CNTN5: variants seen among roughly 807,000 people sequenced by gnomAD.
CNTN5 encodes the protein contactin 5.
CNTN5 carries 77 observed loss-of-function variants against 129.1 expected under a neutral mutation model. The observed-to-expected ratio is 0.60, with a 90% CI of 0.50 to 0.72. The LOEUF (loss-of-function observed/expected upper bound fraction) is 0.72. CNTN5 is among the 30% of genes least tolerant of loss of function. The probability of loss-of-function intolerance (pLI) is 0.00; values close to 1 mark genes in which losing one functional copy is unlikely to be tolerated. For missense variants in CNTN5, 1,478 were observed against 1,328.8 expected (o/e 1.11, Z -1.75); for synonymous variants, 509 against 465.6 (o/e 1.09, Z -1.20).
chr11:99,903,932 C>G (rs1949425110), intron 6 of CNTN5, among the ~76,000 whole-genome samples: 1 of 152,060 alleles, frequency 6.6e-6, no homozygotes, highest in Non-Finnish European at 1.5e-5. Flanking sequence ...TCATAATCAT[C>G]AGGGAAATTC....
chr11:99,074,838 A>G (rs761432678), intron 1 of CNTN5, among the ~76,000 whole-genome samples: 5 of 152,234 alleles, frequency 3.3e-5, no homozygotes, highest in Non-Finnish European at 7.3e-5. Context: ...GAAAAAGAAA[A>G]ACATGCATCA....
At chr11:99,494,425 C>A (rs1047386916) in intron 2 of CNTN5, among the ~76,000 whole-genome samples, 1 of 152,038 alleles carries the variant, frequency 6.6e-6, no homozygotes, top group Non-Finnish European at 1.5e-5. Context: ...AACTGTATAC[C>A]TTTTATCCTT....
chr11:99,659,071 C>G lies in CNTN5; in HGVS notation c.55+102802C>G, dbSNP rs146415188. On this transcript the variant is annotated intron_variant, in intron 3 of 24. Transcript: ENST00000524871. ...CTTGGAGATGGGCACCTCACCCAAGCTGGTCAAAGACACTTACTCATGGGC... is the reference window on the plus strand; with the variant it reads ...CTTGGAGATGGGCACCTCACCCAAGGTGGTCAAAGACACTTACTCATGGGC... Among the ~76,000 whole-genome samples, 545 of 152,048 alleles carry G rather than the reference C, an allele frequency of 3.6e-3. 2 individuals carry two copies. Among genetic ancestry groups the G allele is most frequent in the African/African-American group, 0.012 (501 of 41,486 alleles).
At chr11:99,709,568 A>T (rs148726906) in intron 3 of CNTN5, among the ~76,000 whole-genome samples, 1 of 152,002 alleles carries the variant, frequency 6.6e-6, no homozygotes, top group Non-Finnish European at 1.5e-5. Context: ...ACCTCACCAG[A>T]ACAACAGATA....
At chr11:99,582,457 G>A (rs887684690) in intron 3 of CNTN5, among the ~76,000 whole-genome samples, 1 of 152,166 alleles carries the variant, frequency 6.6e-6, no homozygotes, top group Non-Finnish European at 1.5e-5. Flanking sequence ...TCACTTTCAG[G>A]TACACCAATT....
chr11:100,195,202 T>A (rs927006294), intron 15 of CNTN5, among the ~76,000 whole-genome samples: 4 of 151,972 alleles, frequency 2.6e-5, no homozygotes, highest in Admixed American at 2.6e-4. Context: ...GAAAAATATC[T>A]TCTTAGGATT....
chr11:99,908,007 A>G (rs1037518488), intron 6 of CNTN5, among the ~76,000 whole-genome samples: 1 of 152,114 alleles, frequency 6.6e-6, no homozygotes, highest in African/African-American at 2.4e-5. Flanking sequence ...ATTGTTCTGA[A>G]CTGACAGTCA....
chr11:99,507,169 A>G (rs1464631859), intron 2 of CNTN5, among the ~76,000 whole-genome samples: 1 of 152,056 alleles, frequency 6.6e-6, no homozygotes, highest in Middle Eastern at 3.2e-3. Context: ...TGAGGTCAAG[A>G]GCTCGAGACC....
In CNTN5 at chr11:99,573,371, C is replaced by T. The variant is rs542275500; in HGVS notation, c.55+17102C>T. Among the ~76,000 whole-genome samples, 8 of 152,018 alleles carry T rather than the reference C, an allele frequency of 5.3e-5. No individual in the cohort carries two copies. In the East Asian group the frequency reaches 1.6e-3, roughly 30 times the overall value. On this transcript the variant is annotated intron_variant, in intron 3 of 24. Coordinates refer to ENST00000524871, the MANE Select transcript of CNTN5 (RefSeq NM_014361.4). ...GGATCACGAGGTCAGCAGATCGAGACCATCCTGGCTAACACAGTGAAACCC... is the reference window on the plus strand; with the variant it reads ...GGATCACGAGGTCAGCAGATCGAGATCATCCTGGCTAACACAGTGAAACCC...
intron 1 of CNTN5, among the ~76,000 whole-genome samples, chr11:99,278,522 A>G (rs1401359398): frequency 1.3e-5 from 2 of 151,702 alleles, no homozygotes; most frequent in Admixed American, 1.3e-4. Context: ...AATAATAGAG[A>G]TGCTGATTAT....
intron 1 of CNTN5, among the ~76,000 whole-genome samples, chr11:99,307,722 T>C (rs1161984400): frequency 1.3e-5 from 2 of 152,152 alleles, no homozygotes; most frequent in Admixed American, 1.3e-4. Context: ...AGTCTAACCA[T>C]TGATTTTAAA....
chr11:99,773,554 T>G (rs1479944482), intron 3 of CNTN5, among the ~76,000 whole-genome samples: 1 of 152,100 alleles, frequency 6.6e-6, no homozygotes, highest in African/African-American at 2.4e-5. Flanking sequence ...GAATTTTTAT[T>G]GAAATAATAC....
intron 6 of CNTN5, among the ~76,000 whole-genome samples, chr11:99,895,794 G>A (rs1949189917): frequency 6.6e-6 from 1 of 152,184 alleles, no homozygotes; most frequent in African/African-American, 2.4e-5. Flanking sequence ...AGCCCACATG[G>A]AACCAACCCC....
chr11:100,238,711 A>G (rs1261023806), intron 16 of CNTN5, among the ~76,000 whole-genome samples: 2 of 152,216 alleles, frequency 1.3e-5, no homozygotes. Flanking sequence ...TCTCAAATCT[A>G]GGAAGAATTT....
chr11:99,312,450 T>A (rs1300928641), intron 1 of CNTN5, among the ~76,000 whole-genome samples: 3 of 152,186 alleles, frequency 2.0e-5, no homozygotes, highest in Admixed American at 1.3e-4. Flanking sequence ...TAATAGTGTT[T>A]TACACAATGC....
At chr11:100,020,994 C>T (rs1050707333) in intron 9 of CNTN5, among the ~76,000 whole-genome samples, 2 of 152,080 alleles carry the variant, frequency 1.3e-5, no homozygotes, top group Non-Finnish European at 2.9e-5. Context: ...GTCCGTACTG[C>T]CCAAAGCAAT....
chr11:99,827,333 C>T (rs190925406), intron 4 of CNTN5, among the ~76,000 whole-genome samples: 376 of 152,302 alleles, frequency 2.5e-3, no homozygotes, highest in African/African-American at 8.4e-3. Flanking sequence ...AGGCGATCCA[C>T]GCACCTTGAC....
intron 3 of CNTN5, among the ~76,000 whole-genome samples, chr11:99,561,275 G>A (rs1948832668): frequency 1.3e-5 from 2 of 151,890 alleles, no homozygotes; most frequent in South Asian, 2.1e-4. Flanking sequence ...AACCAAAACT[G>A]GGACAATTTC....
intron 3 of CNTN5, among the ~76,000 whole-genome samples, chr11:99,654,320 C>T (rs1388205273): frequency 1.3e-5 from 2 of 152,030 alleles, no homozygotes; most frequent in African/African-American, 4.8e-5. Context: ...TTGGTAGCCT[C>T]CTCTTCCTAT....
Sources: gnomAD v4.1 joint callset for allele counts (sites outside exome capture counted in the v4.1 genomes callset) on GRCh38, gnomAD v4.1.1 for gene constraint, MANE v1.5 for transcripts, NCBI Gene and HGNC (gene_info 2026-07-23, HGNC 2026-07-21) for gene names.